The following PRLR variants were observed in gnomAD, a reference collection of about 807,000 sequenced individuals.
PRLR encodes the protein prolactin receptor.
A neutral mutation model predicts 40.2 loss-of-function variants in PRLR; 13 were observed. That is an observed-to-expected ratio of 0.32 (90% CI 0.21 to 0.51). The LOEUF is 0.51. PRLR is among the 20% of genes least tolerant of loss of function. The pLI is 0.97. For missense variants in PRLR, 656 were observed against 747.3 expected (o/e 0.88, Z 1.42); for synonymous variants, 269 against 278.7 (o/e 0.97, Z 0.35).
intron 2 of PRLR, among the ~76,000 whole-genome samples, chr5:35,104,845 C>A (rs1006038599): frequency 6.6e-6 from 1 of 152,198 alleles, no homozygotes; most frequent in African/African-American, 2.4e-5. Flanking sequence ...CTTAAATGTA[C>A]CTGTCTGACA....
chr5:35,086,801 C>G (rs1030593961), intron 3 of PRLR, among the ~76,000 whole-genome samples: 1 of 152,088 alleles, frequency 6.6e-6, no homozygotes, highest in African/African-American at 2.4e-5. Flanking sequence ...TCCGCAGACA[C>G]TCTGGCAAAA....
At position 35,102,834 on chromosome 5, in the gene PRLR, C is replaced by T. The variant is rs146649314; in HGVS notation, c.-43-13171G>A. 2.8e-3 allele frequency among the ~76,000 whole-genome samples: 423 copies of T among 152,194 alleles called. 2 individuals are homozygous for T. The highest frequency in any genetic ancestry group is 7.3e-3 in the Admixed American group (111 of 15,286). On this transcript the variant is annotated intron_variant, in intron 2 of 9. Coordinates refer to ENST00000618457, the MANE Select transcript of PRLR (RefSeq NM_000949.7). The stretch of plus-strand genomic sequence containing the variant: ...CTGGGATTACAGGCGTGAGCTGCCA[C>T]GCCCGGCTTTTTTCTTTTTTAATGT...
chr5:35,104,903 G>A (rs1482346538), intron 2 of PRLR, among the ~76,000 whole-genome samples: 3 of 152,240 alleles, frequency 2.0e-5, no homozygotes, highest in Non-Finnish European at 4.4e-5. Context: ...TGAGATCGGA[G>A]AACAGACAGA....
intron 5 of PRLR, among the ~76,000 whole-genome samples, chr5:35,082,432 A>G (rs142186114): frequency 2.6e-5 from 4 of 152,226 alleles, no homozygotes; most frequent in African/African-American, 9.6e-5. Context: ...TTTGGACTGG[A>G]TATTTCTTTG....
intron 7 of PRLR, 23 bp from the exon 8 acceptor site, chr5:35,068,901 G>A (rs757111048): frequency 3.9e-6 from 6 of 1,547,288 alleles, no homozygotes; most frequent in Middle Eastern, 1.7e-4. Flanking sequence ...CAGCCAGAAA[G>A]CTTTGATCAC....
rs73078851 is a variant in PRLR at position 35,183,797 on chromosome 5, G to A, written c.-106+46471C>T. On this transcript the variant is annotated intron_variant, in intron 1 of 9. Coordinates refer to ENST00000618457, the MANE Select transcript of PRLR (RefSeq NM_000949.7). ...TAAAAAGCCCACAACTGAGTGGAGTGTTGAAACCTCAGGGTTATAGACTGG... is the reference window on the plus strand; with the variant it reads ...TAAAAAGCCCACAACTGAGTGGAGTATTGAAACCTCAGGGTTATAGACTGG... Among the ~76,000 whole-genome samples, 753 of 152,330 alleles carry A rather than the reference G, an allele frequency of 4.9e-3. 12 individuals are homozygous for A. The highest frequency in any genetic ancestry group is 0.017 in the African/African-American group (710 of 41,560).
intron 1 of PRLR, among the ~76,000 whole-genome samples, chr5:35,222,360 G>C (rs183349807): frequency 6.6e-6 from 1 of 152,020 alleles, no homozygotes; most frequent in African/African-American, 2.4e-5. Context: ...TTTTTCAGGG[G>C]TGTAGCAAAA....
chr5:35,204,100 C>T (rs975380611), intron 1 of PRLR, among the ~76,000 whole-genome samples: 27 of 151,756 alleles, frequency 1.8e-4, no homozygotes, highest in African/African-American at 6.1e-4. Context: ...TTTCATGGTA[C>T]TTAAAGGAAT....
rs56730388 is a variant in PRLR, at chr5:35,188,590, C to T, written c.-106+41678G>A. Among the ~76,000 whole-genome samples the T allele has an allele frequency of 4.1e-3, 621 of 152,236 alleles. 4 individuals are homozygous for T. The highest frequency in any genetic ancestry group is 0.014 in the African/African-American group (581 of 41,530). On this transcript the variant is annotated intron_variant, in intron 1 of 9. Coordinates refer to ENST00000618457, the MANE Select transcript of PRLR (RefSeq NM_000949.7). ...GGTTCTGTGTACACAGCTTGGAGAA[C>T]GGGAAAGAAAAATCAGAACCCACAG... is the stretch of plus-strand genomic sequence containing the variant.
chr5:35,195,560 T>G (rs1775713342), intron 1 of PRLR: 1 of 152,198 alleles, frequency 6.6e-6, no homozygotes, highest in Admixed American at 6.5e-5. Flanking sequence ...CCTGTCGCCT[T>G]TGGGCAGCTG....
intron 1 of PRLR, among the ~76,000 whole-genome samples, chr5:35,182,819 T>G (rs1424973153): frequency 6.6e-6 from 1 of 152,252 alleles, no homozygotes; most frequent in Non-Finnish European, 1.5e-5. Context: ...CACTGGGCAC[T>G]GCCTTTGGGA....
chr5:35,081,288 G>C, intron 5 of PRLR: 1 of 164,642 alleles, frequency 6.1e-6, no homozygotes, highest in Non-Finnish European at 1.3e-5. Flanking sequence ...GGAAACTGTG[G>C]TGCAACAGCC....
Position 35,125,910 on chromosome 5 carries a change from C to A in PRLR, c.-105-7788G>T, listed in dbSNP as rs1579702996. 2.0e-5 allele frequency among the ~76,000 whole-genome samples: 3 copies of A among 152,262 alleles called. No individual in the cohort carries two copies. In the East Asian group the frequency reaches 5.8e-4, roughly 29 times the overall value. ...ACATCTAAATGCCATTTGTCCTTGACCTTTGAACTGTTTTCTCCCTCACTC... is the reference window on the plus strand; with the variant it reads ...ACATCTAAATGCCATTTGTCCTTGAACTTTGAACTGTTTTCTCCCTCACTC... On this transcript the variant is annotated intron_variant, in intron 1 of 9. Transcript: ENST00000618457.
chr5:35,198,288 G>A (rs559733538), intron 1 of PRLR, among the ~76,000 whole-genome samples: 20 of 152,290 alleles, frequency 1.3e-4, no homozygotes, highest in African/African-American at 4.1e-4. Flanking sequence ...GCAGAGTATC[G>A]CTTAGCAAAG....
chr5:35,159,726 TGTATTTTCC>T (rs920438038), intron 1 of PRLR, among the ~76,000 whole-genome samples: 17 of 152,216 alleles, frequency 1.1e-4, no homozygotes, highest in African/African-American at 4.1e-4. Context: ...GGGCATTTTC[TGTATTTTCC>T]ACTAAAGCTA....
At chr5:35,173,095 T>G (rs1232473512) in intron 1 of PRLR, among the ~76,000 whole-genome samples, 1 of 152,168 alleles carries the variant, frequency 6.6e-6, no homozygotes, top group Non-Finnish European at 1.5e-5. Context: ...GCACATCTTG[T>G]TCCCACCCTT....
intron 1 of PRLR, among the ~76,000 whole-genome samples, chr5:35,196,242 A>G (rs1168261723): frequency 6.6e-6 from 1 of 152,212 alleles, no homozygotes; most frequent in African/African-American, 2.4e-5. Context: ...ATAGGCTGTG[A>G]AAAGGCAGGG....
intron 7 of PRLR, 39 bp from the exon 8 acceptor site, chr5:35,068,917 G>A (rs772787229): frequency 3.1e-5 from 45 of 1,461,308 alleles, no homozygotes; most frequent in Non-Finnish European, 4.2e-5. Flanking sequence ...ATCACGTACA[G>A]CATCATTAAA....
At chr5:35,198,115 C>T (rs974837305) in intron 1 of PRLR, among the ~76,000 whole-genome samples, 9 of 152,230 alleles carry the variant, frequency 5.9e-5, no homozygotes, top group African/African-American at 1.2e-4. Context: ...TGGGCAGCTC[C>T]GTTCTACTTC....
Sources: allele counts gnomAD v4.1 joint callset (sites outside exome capture counted in the v4.1 genomes callset), GRCh38; gene constraint gnomAD v4.1.1; transcripts MANE v1.5; gene names NCBI Gene and HGNC (gene_info 2026-07-23, HGNC 2026-07-21).